Variants in NUP107 observed in about 807,000 individuals in gnomAD.
NUP107 encodes the protein nuclear pore complex protein Nup107.
In NUP107, 101 loss-of-function variants were observed where a neutral mutation model predicts 141.0. The ratio of observed to expected loss-of-function variants is 0.72; its 90% CI spans 0.61 to 0.84. The LOEUF (loss-of-function observed/expected upper bound fraction) is 0.84. Ranked by LOEUF, NUP107 falls within the 40% of genes least tolerant of loss-of-function variation. The pLI is 0.00. For synonymous variants in NUP107, 319 were observed against 363.9 expected (o/e 0.88, Z 1.41); for missense variants, 941 against 1,102.7 (o/e 0.85, Z 2.08).
chr12:68,711,216 T>C (rs1050881541), intron 10 of NUP107, among the ~76,000 whole-genome samples: 17 of 152,082 alleles, frequency 1.1e-4, no homozygotes, highest in Non-Finnish European at 2.4e-4. Context: ...CCAGGCGTGG[T>C]GGCGGGCGCC....
chr12:68,739,977 T>G (rs1189321903), intron 26 of NUP107: 1 of 152,262 alleles, frequency 6.6e-6, no homozygotes, highest in East Asian at 1.9e-4. Flanking sequence ...TTGCTTTTCC[T>G]TGTAGCAATT....
chr12:68,696,789 A>G (rs774514210), intron 5 of NUP107, 30 bp from the exon 6 acceptor site: 18 of 1,158,596 alleles, frequency 1.6e-5, no homozygotes, highest in Non-Finnish European at 2.1e-5. Context: ...ACTTTTCTTT[A>G]TTCCTTTTTT....
At chr12:68,731,434 T>A (rs1877823390) in intron 21 of NUP107, among the ~76,000 whole-genome samples, 173 bp from the exon 22 acceptor site, 1 of 152,254 alleles carries the variant, frequency 6.6e-6, no homozygotes, top group African/African-American at 2.4e-5. Flanking sequence ...GTAACTCATA[T>A]GTAAAATATC....
At chr12:68,707,911 A>G (rs1020876498) in intron 8 of NUP107, among the ~76,000 whole-genome samples, 6 of 152,150 alleles carry the variant, frequency 3.9e-5, no homozygotes, top group Non-Finnish European at 7.4e-5. Flanking sequence ...AGCCTGGCCA[A>G]CATGGTGAAA....
chr12:68,720,242 A>G (rs1259791637), intron 14 of NUP107, among the ~76,000 whole-genome samples: 1 of 152,194 alleles, frequency 6.6e-6, no homozygotes, highest in East Asian at 1.9e-4. Context: ...ATGGTAGCAC[A>G]GTTTTACATC....
At chr12:68,710,779 G>A (rs976159144) in intron 10 of NUP107, among the ~76,000 whole-genome samples, 3 of 151,912 alleles carry the variant, frequency 2.0e-5, no homozygotes, top group Non-Finnish European at 4.4e-5. Context: ...CGTTGTATTA[G>A]GTATTCTAAG....
chr12:68,733,385 T>C, intron 23 of NUP107, 67 bp from the exon 24 acceptor site: 4 of 1,459,530 alleles, frequency 2.7e-6, no homozygotes, highest in Non-Finnish European at 3.7e-6. Context: ...AACCAGTGAT[T>C]TGACTCCTTT....
intron 15 of NUP107, 81 bp from the exon 16 acceptor site, chr12:68,721,760 C>A: frequency 2.3e-6 from 3 of 1,321,494 alleles, no homozygotes; most frequent in East Asian, 2.3e-5. Flanking sequence ...ATTTTATAGT[C>A]TGTATCATTG....
intron 17 of NUP107, among the ~76,000 whole-genome samples, chr12:68,724,471 G>A (rs767647091): frequency 2.5e-4 from 38 of 151,968 alleles, no homozygotes; most frequent in Non-Finnish European, 2.6e-4. Context: ...ATTGAGAATG[G>A]CAAGAGCATT....
At chr12:68,692,610 CTG>C (rs1393917837) in intron 5 of NUP107, among the ~76,000 whole-genome samples, 1 of 151,660 alleles carries the variant, frequency 6.6e-6, no homozygotes, top group East Asian at 1.9e-4. Flanking sequence ...AACAGTCACT[CTG>C]TCACCCAGGC....
intron 20 of NUP107, among the ~76,000 whole-genome samples, chr12:68,728,748 A>C (rs1485051284): frequency 6.6e-6 from 1 of 150,996 alleles, no homozygotes; most frequent in Non-Finnish European, 1.5e-5. Flanking sequence ...TTTAAAAATT[A>C]ATAAATAACT....
chr12:68,701,106 G>A (rs1164497398), intron 7 of NUP107, among the ~76,000 whole-genome samples: 2 of 152,114 alleles, frequency 1.3e-5, no homozygotes, highest in African/African-American at 4.8e-5. Context: ...GCAATACTTA[G>A]GCTAAATTAA....
At chr12:68,734,950 T>TA (rs1435192743) in intron 25 of NUP107, 117 bp downstream of exon 25, 1 of 1,181,078 alleles carries the variant, frequency 8.5e-7, no homozygotes, top group Non-Finnish European at 1.2e-6. Flanking sequence ...ATCTCCCTGT[T>TA]AATGTCCTGC....
At chr12:68,714,819 A>G (rs1248772694) in intron 11 of NUP107, among the ~76,000 whole-genome samples, 1 of 152,204 alleles carries the variant, frequency 6.6e-6, no homozygotes, top group African/African-American at 2.4e-5. Context: ...AAATTTTTTT[A>G]TTAGGCATTG....
intron 6 of NUP107, among the ~76,000 whole-genome samples, chr12:68,698,879 A>G (rs1283818054): frequency 6.6e-6 from 1 of 152,158 alleles, no homozygotes; most frequent in East Asian, 1.9e-4. Context: ...TACATTTATC[A>G]TAATTCATGG....
rs371237517 is a variant in NUP107 at position 68,735,215 on chromosome 12, T to C, written c.2389-16T>C. 2.7e-4 allele frequency: 407 copies of C among 1,504,018 alleles called. 1 individual carries two copies. In the African/African-American group the frequency reaches 4.8e-3, roughly 18 times the overall value. 93.2% of individuals were successfully genotyped at this position (1,504,018 alleles called of 1,614,324 possible). On this transcript the variant is annotated splice_polypyrimidine_tract_variant and intron_variant, in intron 25 of 27. Transcript: ENST00000229179. ...GGTTTTATCCATTATATGTCTGCCT[T>C]GTGTTTGTTTTGCAGATGGATTTTG... is the stretch of plus-strand genomic sequence containing the variant.
chr12:68,732,952 G>T, intron 23 of NUP107: 1 of 392,422 alleles, frequency 2.5e-6, no homozygotes, highest in Non-Finnish European at 4.5e-6. Flanking sequence ...TGAAGTGCTG[G>T]GATTATAGGC....
chr12:68,735,190 G>A (rs147552459), intron 25 of NUP107, 41 bp from the exon 26 acceptor site: 1 of 1,240,200 alleles, frequency 8.1e-7, no homozygotes, highest in Non-Finnish European at 1.2e-6. Context: ...TTATTTATTG[G>A]GTTTTATCCA....
intron 9 of NUP107, 148 bp downstream of exon 9, chr12:68,709,457 A>G (rs908787908): frequency 2.0e-6 from 1 of 500,336 alleles, no homozygotes. Flanking sequence ...GGAATTAGAA[A>G]CCTTATTCTT....
Sources: allele counts gnomAD v4.1 joint callset (sites outside exome capture counted in the v4.1 genomes callset), GRCh38; gene constraint gnomAD v4.1.1; transcripts MANE v1.5; gene names NCBI Gene and HGNC (gene_info 2026-07-23, HGNC 2026-07-21).